The following OCA2 variants were observed in gnomAD, a reference collection of about 807,000 sequenced individuals.
OCA2 encodes the protein P protein.
Under a neutral mutation model 100.2 loss-of-function variants are expected in OCA2, and 77 were observed. That is an observed-to-expected ratio of 0.77 (90% CI 0.64 to 0.93). The LOEUF (loss-of-function observed/expected upper bound fraction) is 0.93, where lower values mean the gene tolerates loss of function less well. Among genes scored for constraint, OCA2 ranks in the 40% least tolerant of loss-of-function variants. The pLI, the probability that OCA2 is intolerant of heterozygous loss-of-function variation, is 0.00. For synonymous variants in OCA2, 432 were observed against 439.2 expected (o/e 0.98, Z 0.21); for missense variants, 1,062 against 1,089.1 (o/e 0.98, Z 0.35).
At chr15:27,748,967 A>AC in the OCA2 span, among the ~76,000 whole-genome samples, 3 of 152,170 alleles carry the variant, frequency 2.0e-5, no homozygotes, top group African/African-American at 7.2e-5. Flanking sequence ...CTGAAAAAAA[A>AC]ATGAACAGAG....
chr15:27,739,297 C>T, the OCA2 span, among the ~76,000 whole-genome samples: 6 of 152,022 alleles, frequency 3.9e-5, no homozygotes, highest in South Asian at 4.2e-4. Context: ...AAGGATCCTG[C>T]GGTGCGTGGT....
At chr15:28,001,425 G>A (rs930301593) in intron 9 of OCA2, among the ~76,000 whole-genome samples, 1 of 152,128 alleles carries the variant, frequency 6.6e-6, no homozygotes, top group African/African-American at 2.4e-5. Flanking sequence ...GAGGCCAAAG[G>A]GAGCTCTGGG....
chr15:28,032,737 G>A (rs2042942940), intron 2 of OCA2, among the ~76,000 whole-genome samples: 1 of 148,360 alleles, frequency 6.7e-6, no homozygotes, highest in Non-Finnish European at 1.5e-5. Flanking sequence ...AGGTTGCAGT[G>A]AGCCGAGATT....
At chr15:27,946,249 G>C (rs1169195895) in intron 18 of OCA2, among the ~76,000 whole-genome samples, 9 of 152,176 alleles carry the variant, frequency 5.9e-5, no homozygotes, top group Non-Finnish European at 1.2e-4. Context: ...CCTCAGAAGT[G>C]TTAAAGCAAG....
At chr15:27,847,722 A>G (rs2151390639) in intron 22 of OCA2, among the ~76,000 whole-genome samples, 1 of 152,354 alleles carries the variant, frequency 6.6e-6, no homozygotes, top group Non-Finnish European at 1.5e-5. Context: ...CCTCAGTTGA[A>G]GTCTCAAACC....
chr15:27,965,953 C>CAGTTTGTT (rs2040550716), intron 15 of OCA2, among the ~76,000 whole-genome samples: 1 of 150,812 alleles, frequency 6.6e-6, no homozygotes, highest in African/African-American at 2.4e-5. Flanking sequence ...TCAGCATCTG[C>CAGTTTGTT]TGTTTGTTTG....
chr15:27,887,405 GC>G (rs966875908), intron 19 of OCA2, among the ~76,000 whole-genome samples: 50 of 151,452 alleles, frequency 3.3e-4, no homozygotes, highest in African/African-American at 1.2e-3. Flanking sequence ...AGGGGAACAT[GC>G]CCCCCTGGCA....
At chr15:27,896,464 AG>A (rs2037693410) in intron 19 of OCA2, 2 of 619,776 alleles carry the variant, frequency 3.2e-6, no homozygotes, top group Non-Finnish European at 5.8e-6. Flanking sequence ...AAGAAGCCCA[AG>A]AAAAAAGTTA....
chr15:27,958,707 A>G (rs940508073), intron 15 of OCA2, among the ~76,000 whole-genome samples: 1 of 152,206 alleles, frequency 6.6e-6, no homozygotes. Flanking sequence ...CCTCTATTTT[A>G]CTGTTAAAAA....
intron 23 of OCA2, among the ~76,000 whole-genome samples, chr15:27,817,618 C>T (rs2034352474): frequency 6.6e-6 from 1 of 152,108 alleles, no homozygotes; most frequent in Non-Finnish European, 1.5e-5. Flanking sequence ...CCTCCATGAT[C>T]CTCTTAGAAA....
chr15:27,776,551 C>T (rs2032226677), intron 23 of OCA2: 1 of 152,366 alleles, frequency 6.6e-6, no homozygotes, highest in African/African-American at 2.4e-5. Flanking sequence ...TCGACACGGC[C>T]AGCCCACACC....
intron 19 of OCA2, among the ~76,000 whole-genome samples, chr15:27,921,909 C>G (rs1250284170): frequency 6.6e-6 from 1 of 152,040 alleles, no homozygotes; most frequent in African/African-American, 2.4e-5. Context: ...ACTATGTTAC[C>G]CAGGCTGGTC....
chr15:27,876,868 T>G (rs1327899489), intron 19 of OCA2, among the ~76,000 whole-genome samples: 1 of 151,926 alleles, frequency 6.6e-6, no homozygotes, highest in Non-Finnish European at 1.5e-5. Flanking sequence ...GGTTTTTTTC[T>G]GCTTTGTCTG....
chr15:28,082,464 G>A (rs1437483257), intron 1 of OCA2, among the ~76,000 whole-genome samples: 2 of 152,198 alleles, frequency 1.3e-5, no homozygotes, highest in Non-Finnish European at 2.9e-5. Context: ...GAACCCACCA[G>A]AAGGAACCAA....
At chr15:28,052,021 C>T (rs978506095) in intron 2 of OCA2, among the ~76,000 whole-genome samples, 1 of 152,130 alleles carries the variant, frequency 6.6e-6, no homozygotes, top group Non-Finnish European at 1.5e-5. Context: ...CTGGGCCTGG[C>T]CGGGTAACCC....
At chr15:27,770,856 TTCTTCCTTCCTTC>T (rs1566949059) in intron 23 of OCA2, among the ~76,000 whole-genome samples, 1 of 84,572 alleles carries the variant, frequency 1.2e-5, no homozygotes, top group African/African-American at 6.3e-5. Flanking sequence ...CTTCCTTCCT[TTCTTCCTTCCTTC>T]CCTCCTTCCT....
intron 21 of OCA2, among the ~76,000 whole-genome samples, chr15:27,857,728 GGATTT>G (rs1258180696): frequency 6.6e-6 from 1 of 151,644 alleles, no homozygotes. Flanking sequence ...ATGCATTATA[GGATTT>G]CCAGAAAGAG....
intron 5 of OCA2, among the ~76,000 whole-genome samples, chr15:28,023,647 A>G (rs919244624): frequency 3.3e-5 from 5 of 152,050 alleles, no homozygotes; most frequent in Non-Finnish European, 5.9e-5. Context: ...CACCCCCATC[A>G]CAGCAGCACC....
chr15:27,873,362 C>T (rs576447152), intron 19 of OCA2, among the ~76,000 whole-genome samples: 52 of 152,302 alleles, frequency 3.4e-4, no homozygotes, highest in African/African-American at 1.2e-3. Flanking sequence ...CTGTTAAGAA[C>T]CAATGTTCCC....
Sources: allele counts gnomAD v4.1 joint callset (sites outside exome capture counted in the v4.1 genomes callset), GRCh38; gene constraint gnomAD v4.1.1; transcripts MANE v1.5; gene names NCBI Gene and HGNC (gene_info 2026-07-23, HGNC 2026-07-21).